The following SELENBP1 variants were observed in gnomAD, a reference collection of about 807,000 sequenced individuals.
SELENBP1 encodes the protein selenium binding protein 1.
Under a neutral mutation model 61.0 loss-of-function variants are expected in SELENBP1, and 71 were observed. The observed-to-expected ratio is 1.16, with a 90% CI of 0.96 to 1.42. The LOEUF is 1.42. Among genes scored for constraint, SELENBP1 ranks in the 40% most tolerant of loss-of-function variants. SELENBP1 has a pLI of 0.00. For missense variants in SELENBP1, 561 were observed against 605.0 expected (o/e 0.93, Z 0.76); for synonymous variants, 270 against 238.9 (o/e 1.13, Z -1.20).
intron 4 of SELENBP1, 145 bp from the exon 5 acceptor site, chr1:151,368,464 A>G: frequency 8.3e-7 from 1 of 1,208,670 alleles, no homozygotes; most frequent in Admixed American, 2.5e-5. Context: ...GGAATATGAC[A>G]AAGATTCAGT....
At chr1:151,372,114 G>A (rs1298300537) in intron 1 of SELENBP1, among the ~76,000 whole-genome samples, 1 of 152,162 alleles carries the variant, frequency 6.6e-6, no homozygotes, top group African/African-American at 2.4e-5. Flanking sequence ...ATTTAGGGGT[G>A]GGGGAGGCAT....
chr1:151,367,270 T>G (rs111773835), intron 5 of SELENBP1: 4,250 of 169,322 alleles, frequency 0.025, 182 homozygotes, highest in African/African-American at 0.1. Context: ...CTTGAACCAG[T>G]GAGGCGGAGG....
In SELENBP1 at chr1:151,366,472, C is replaced by T. The variant is rs369556844; in HGVS notation, c.665-19G>A. The T allele has an allele frequency of 1.3e-4, 209 of 1,606,416 alleles. 1 individual carries two copies. The highest frequency in any genetic ancestry group is 3.3e-4 in the Middle Eastern group (2 of 6,056). On this transcript the variant is annotated intron_variant, in intron 6 of 11. Coordinates refer to ENST00000368868, the MANE Select transcript of SELENBP1 (RefSeq NM_003944.4). ...TACAGTCCTGGGGTGGGAGTGGGGC[C>T]GGAGGATAGGCTCAGCATCAGAGGT...
chr1:151,365,370 T>A, intron 9 of SELENBP1, 89 bp from the exon 10 acceptor site: 1 of 1,485,772 alleles, frequency 6.7e-7, no homozygotes, highest in Non-Finnish European at 9.3e-7. Context: ...GGAACCCCTC[T>A]CTCCTTTCAG....
Position 151,369,499 on chromosome 1 carries a change from C to T in SELENBP1, c.117G>A (p.Glu39=), listed in dbSNP as rs556895430. ...LPCIYRNTGT[E]APDYLATVDV... ...CCACAGTGGCCAGATAATCTGGGGC[C>T]TCAGTGCCTGTGTTTCGGTAAATGC... The change falls in exon 3 of 12, where the codon GAG becomes GAA. Residue 39 remains glutamate (E), a synonymous_variant. Transcript: ENST00000368868. The T allele has an allele frequency of 6.2e-7, 1 of 1,612,922 alleles. No homozygotes were observed. The highest frequency in any genetic ancestry group is 8.5e-7 in the Non-Finnish European group (1 of 1,179,616).
chr1:151,365,731 G>A, intron 8 of SELENBP1, 37 bp downstream of exon 8: 1 of 1,614,108 alleles, frequency 6.2e-7, no homozygotes, highest in Non-Finnish European at 8.5e-7. Context: ...TTGTTTCCCA[G>A]GCCAAGAATC....
intron 1 of SELENBP1, 46 bp downstream of exon 1, chr1:151,372,592 G>T (rs1481029689): frequency 6.2e-7 from 1 of 1,613,614 alleles, no homozygotes; most frequent in Non-Finnish European, 8.5e-7. Context: ...TCCAAATTAG[G>T]GGCAGACAGA....
Position 151,365,271 on chromosome 1 carries a change from C to T in SELENBP1, c.1055G>A (p.Gly352Glu), listed in dbSNP as rs752728773. The T allele has an allele frequency of 1.2e-6, 2 of 1,612,236 alleles. No individual in the cohort carries two copies. Among genetic ancestry groups the T allele is most frequent in the African/African-American group, 2.7e-5 (2 of 74,820 alleles). Reference sequence around the variant, plus strand: ...AGGGCCTCCCTTAACAATGCTGCCTCCGAGGAAGAGCTAGATGGGGAGGTG... The same window carrying T: ...AGGGCCTCCCTTAACAATGCTGCCTTCGAGGAAGAGCTAGATGGGGAGGTG... ...RPRLTGQLFLGGSIVKGGPVQ... is the reference protein window; with the variant it reads ...RPRLTGQLFLEGSIVKGGPVQ... Residue 352 changes from glycine to glutamate, a missense_variant, in exon 10 of 12, where the codon GGA becomes GAA. Coordinates refer to ENST00000368868, the MANE Select transcript of SELENBP1 (RefSeq NM_003944.4).
intron 1 of SELENBP1, among the ~76,000 whole-genome samples, chr1:151,370,479 T>C (rs1362188099): frequency 6.6e-6 from 1 of 152,168 alleles, no homozygotes; most frequent in Non-Finnish European, 1.5e-5. Flanking sequence ...TACCCCTGGG[T>C]GTGCCCCACT....
At chr1:151,370,861 C>T (rs1325666590) in intron 1 of SELENBP1, among the ~76,000 whole-genome samples, 1 of 152,198 alleles carries the variant, frequency 6.6e-6, no homozygotes, top group African/African-American at 2.4e-5. Flanking sequence ...AGAGTGGGGC[C>T]TCCACTGGGG....
intron 3 of SELENBP1, 25 bp from the exon 4 acceptor site, chr1:151,369,214 T>C (rs1213449798): frequency 2.5e-6 from 4 of 1,598,296 alleles, no homozygotes; most frequent in Non-Finnish European, 3.4e-6. Flanking sequence ...GAGGTGGTGC[T>C]CCCCCAGGCC....
At chr1:151,370,120 C>A in intron 1 of SELENBP1, 1 of 766,742 alleles carries the variant, frequency 1.3e-6, no homozygotes, top group South Asian at 3.1e-5. Context: ...GGAGCTTGGG[C>A]AAAGTACTGA....
At chr1:151,367,167 ACT>A (rs1191580634) in intron 5 of SELENBP1, 11 of 637,440 alleles carry the variant, frequency 1.7e-5, no homozygotes, top group Non-Finnish European at 2.3e-5. Context: ...ACATGGTGAA[ACT>A]CTGTCTCTAT....
chr1:151,370,020 G>A (rs1380245712), intron 1 of SELENBP1: 2 of 1,438,010 alleles, frequency 1.4e-6, no homozygotes, highest in East Asian at 5.0e-5. Context: ...CGGGAGGGTG[G>A]GAGGAGGGCT....
Position 151,364,936 on chromosome 1 carries a change from C to T in SELENBP1, c.1246G>A (p.Asp416Asn), listed in dbSNP as rs139065383. Residue 416 changes from aspartate (D) to asparagine (N), a missense_variant, in exon 11 of 12, where the codon GAT becomes AAT. Transcript: ENST00000368868. ...GTGTCTGCTTCTCACCTGATGAGAT[C>T]AGGGTAAAACTGCTTGTCCCAGGCA... The part of the protein sequence containing the change: ...YSAWDKQFYP[D>N]LIREGSVMLQ... 18 of 1,613,790 alleles carry T rather than the reference C, an allele frequency of 1.1e-5. No individual in the cohort carries two copies. The African/African-American group carries it at 1.9e-4, about 17-fold the overall frequency.
Position 151,369,524 on chromosome 1 carries a change from C to T in SELENBP1, c.92G>A (p.Cys31Tyr), listed in dbSNP as rs771417032. 11 of 1,610,962 alleles carry T rather than the reference C, an allele frequency of 6.8e-6. No individual in the cohort carries two copies. The highest frequency in any genetic ancestry group is 9.3e-6 in the Non-Finnish European group (11 of 1,178,840). ...GPREEIVYLPCIYRNTGTEAP... is the reference protein window; with the variant it reads ...GPREEIVYLPYIYRNTGTEAP... ...CTCAGTGCCTGTGTTTCGGTAAATGCAGGGCAGGTAGACGATCTCTTCCCT... is the reference window on the plus strand; with the variant it reads ...CTCAGTGCCTGTGTTTCGGTAAATGTAGGGCAGGTAGACGATCTCTTCCCT... Residue 31 changes from cysteine (C) to tyrosine (Y), a missense_variant, in exon 3 of 12, where the codon TGC becomes TAC. Transcript: ENST00000368868.
At chr1:151,366,517 C>A in intron 6 of SELENBP1, 64 bp from the exon 7 acceptor site, 1 of 1,559,126 alleles carries the variant, frequency 6.4e-7, no homozygotes. Context: ...TGGGCAAAGA[C>A]TGGGCCACCA....
intron 4 of SELENBP1, 34 bp from the exon 5 acceptor site, chr1:151,368,353 C>T (rs764121830): frequency 1.2e-6 from 2 of 1,610,318 alleles, no homozygotes; most frequent in Non-Finnish European, 1.7e-6. Flanking sequence ...CAGAATCATA[C>T]AGGACTGGGA....
In SELENBP1 at chr1:151,369,057, G is replaced by A. The variant is rs1457592857; in HGVS notation, c.307C>T (p.Arg103Cys). 3.7e-5 allele frequency: 60 copies of A among 1,613,942 alleles called. No individual in the cohort carries two copies. The highest frequency in any genetic ancestry group is 4.9e-5 in the Non-Finnish European group (58 of 1,179,976). ...GAGCCCACGTCCACCACATAGATGC[G>A]AGAGGAGATGAGACTGGGCAGCACC... is the stretch of plus-strand genomic sequence containing the variant. ...KLVLPSLISS[R>C]IYVVDVGSEP... The change falls in exon 4 of 12, where the codon CGC becomes TGC. Residue 103 changes from arginine to cysteine, a missense_variant. Arg to Cys is a radical substitution (Grantham distance 180). Coordinates refer to ENST00000368868, the MANE Select transcript of SELENBP1 (RefSeq NM_003944.4).
Sources: allele counts gnomAD v4.1 joint callset (sites outside exome capture counted in the v4.1 genomes callset), GRCh38; gene constraint gnomAD v4.1.1; transcripts MANE v1.5; gene names NCBI Gene and HGNC (gene_info 2026-07-23, HGNC 2026-07-21).